Variants in NRXN2 observed in about 807,000 individuals in gnomAD.
NRXN2 encodes neurexin-2-beta.
Under a neutral mutation model 128.8 loss-of-function variants are expected in NRXN2, and 29 were observed. The ratio of observed to expected loss-of-function variants is 0.23; its 90% CI spans 0.17 to 0.31. NRXN2 has a LOEUF of 0.31. NRXN2 is among the 10% of genes least tolerant of loss of function. The pLI is 1.00. For missense variants in NRXN2, 1,881 were observed against 2,452.6 expected (o/e 0.77, Z 4.92); for synonymous variants, 1,098 against 1,075.2 (o/e 1.02, Z -0.41).
chr11:64,642,469 A>C, intron 17 of NRXN2: 1 of 1,525,494 alleles, frequency 6.6e-7, no homozygotes, highest in East Asian at 2.5e-5. Flanking sequence ...GCGGGGGCCC[A>C]GCTGCGCACA....
intron 7 of NRXN2, chr11:64,676,532 C>T (rs1391025576): frequency 2.1e-5 from 4 of 190,392 alleles, no homozygotes; most frequent in Non-Finnish European, 4.3e-5. Context: ...CAGAGCATAG[C>T]ATGTCATGGG....
At chr11:64,701,932 C>T (rs867121660) in intron 2 of NRXN2, among the ~76,000 whole-genome samples, 5 of 141,214 alleles carry the variant, frequency 3.5e-5, no homozygotes, top group East Asian at 2.2e-4. Flanking sequence ...CCCGGCCAGC[C>T]GCCCCGTCCA....
chr11:64,708,572 TGAGA>T (rs1411577897), intron 2 of NRXN2, among the ~76,000 whole-genome samples: 1 of 151,970 alleles, frequency 6.6e-6, no homozygotes, highest in East Asian at 1.9e-4. Flanking sequence ...GCCAGATCTC[TGAGA>T]GAGAGAGAGA....
At chr11:64,647,172 G>C (rs1440145329) in intron 17 of NRXN2, among the ~76,000 whole-genome samples, 3 of 151,858 alleles carry the variant, frequency 2.0e-5, no homozygotes, top group Non-Finnish European at 4.4e-5. Context: ...TCCCTCTCCA[G>C]CCGTATTCCA....
chr11:64,635,222 T>G lies in NRXN2; in HGVS notation c.3585+49A>C, dbSNP rs780221874. On this transcript the variant is annotated intron_variant, in intron 18 of 22. Transcript: ENST00000265459. This position sits in a 1 kb window ranked among gnomAD's most constrained non-coding sequence, Gnocchi z 4.8. ...CATGGCAATGAGGGGCTGAACTGAT[T>G]TGGGAGCAGGAAGCTTGAGGTTGAA... 5.0e-6 allele frequency: 8 copies of G among 1,603,620 alleles called. No homozygotes were observed. The Admixed American group carries it at 1.3e-4, about 27-fold the overall frequency.
chr11:64,679,633 T>C (rs879793061), intron 6 of NRXN2, among the ~76,000 whole-genome samples: 5 of 150,780 alleles, frequency 3.3e-5, no homozygotes, highest in African/African-American at 4.9e-5. Context: ...CGAGACTCTG[T>C]CTCAAAAAAA....
intron 5 of NRXN2, among the ~76,000 whole-genome samples, chr11:64,687,266 G>C (rs889275386): frequency 2.0e-5 from 3 of 152,258 alleles, no homozygotes; most frequent in African/African-American, 7.2e-5. Context: ...CCCTGGTGGA[G>C]GCAGGGCTCA....
chr11:64,704,482 A>G (rs2055936475), intron 2 of NRXN2, among the ~76,000 whole-genome samples: 1 of 152,068 alleles, frequency 6.6e-6, no homozygotes, highest in Non-Finnish European at 1.5e-5. Flanking sequence ...CAAAAACGAA[A>G]AAAAAGAACT....
chr11:64,641,012 G>A (rs2045579907), intron 17 of NRXN2, among the ~76,000 whole-genome samples: 1 of 152,070 alleles, frequency 6.6e-6, no homozygotes, highest in African/African-American at 2.4e-5. Flanking sequence ...AGTGATGAGG[G>A]TACAAGGATA....
Position 64,660,886 on chromosome 11 carries a change from G to A in NRXN2, c.2052C>T (p.Pro684=). ...GCTTCAGCGTCTCCCGGGAGCAAAAGGGGGCAACGCCCACAGCCCCCTGAG... is the reference window on the plus strand; with the variant it reads ...GCTTCAGCGTCTCCCGGGAGCAAAAAGGGGCAACGCCCACAGCCCCCTGAG... ...AEAQGAVGVA[P]FCSRETLKQC... The change falls in exon 10 of 23, where the codon CCC becomes CCT. Residue 684 remains proline, a synonymous_variant. Transcript: ENST00000265459. This position sits in a 1 kb window ranked among gnomAD's most constrained non-coding sequence, Gnocchi z 5.2. The A allele has an allele frequency of 6.2e-7, 1 of 1,613,684 alleles. No individual in the cohort carries two copies. Among genetic ancestry groups the A allele is most frequent in the South Asian group, 1.1e-5 (1 of 91,082 alleles).
chr11:64,676,926 G>C, intron 7 of NRXN2, 67 bp downstream of exon 7: 1 of 1,313,906 alleles, frequency 7.6e-7, no homozygotes. Context: ...AAACAAAAGA[G>C]GGAGAATCGA....
chr11:64,608,271 G>A (rs1020793121), intron 22 of NRXN2, among the ~76,000 whole-genome samples, 189 bp from the exon 23 acceptor site: 42 of 152,326 alleles, frequency 2.8e-4, no homozygotes, highest in African/African-American at 9.6e-4. Flanking sequence ...CAGCGGCTCA[G>A]ATGCCCTGGG....
Position 64,631,578 on chromosome 11 carries a change from C to T in NRXN2, c.3586-1005G>A, listed in dbSNP as rs2043914683. 6.6e-6 allele frequency among the ~76,000 whole-genome samples: 1 copy of T among 152,160 alleles called. No individual in the cohort carries two copies. On this transcript the variant is annotated intron_variant, in intron 18 of 22. Coordinates refer to ENST00000265459, the MANE Select transcript of NRXN2 (RefSeq NM_015080.4). The surrounding 1 kb of genome is among the most constrained non-coding windows in gnomAD (Gnocchi z 4.8). ...TGAAGAAGCTCATAGCTCCCCATTT[C>T]ATCAAGAAAGAGACTGAGGCTCAGC... is the stretch of plus-strand genomic sequence containing the variant.
chr11:64,638,248 C>G (rs79296650), intron 17 of NRXN2, among the ~76,000 whole-genome samples: 48 of 152,358 alleles, frequency 3.2e-4, no homozygotes, highest in African/African-American at 1.1e-3. Context: ...CTGGGCGGGT[C>G]TGTTAAAGCC....
intron 5 of NRXN2, chr11:64,688,912 A>C (rs1376284302): frequency 1.7e-6 from 1 of 594,610 alleles, no homozygotes; most frequent in African/African-American, 2.0e-5. Flanking sequence ...TGTTCTGCTC[A>C]CTTGGCACTT....
chr11:64,709,847 A>G (rs1462721631), intron 2 of NRXN2, among the ~76,000 whole-genome samples: 1 of 151,302 alleles, frequency 6.6e-6, no homozygotes, highest in East Asian at 1.9e-4. Context: ...ACATATACAC[A>G]AGCAACCCTG....
rs773970901 is a variant in NRXN2 at position 64,623,015 on chromosome 11, C to T, written c.3911G>A (p.Arg1304His). ...AIKIGGRDQG[R>H]PFQGQVSGLY... ...GCCGGACACCTGGCCCTGGAAGGGG[C>T]GGCCCTGATCCCGGCCCCCGATCTT... The change falls in exon 21 of 23, where the codon CGC (arginine) becomes CAC (histidine). Residue 1304 changes from arginine (R) to histidine (H), a missense_variant. By Grantham distance (29) the Arg-to-His change is conservative. Transcript: ENST00000265459. This position sits in a 1 kb window ranked among gnomAD's most constrained non-coding sequence, Gnocchi z 4.9. 14 of 1,612,372 alleles carry T rather than the reference C, an allele frequency of 8.7e-6. No individual in the cohort carries two copies. Among genetic ancestry groups the T allele is most frequent in the East Asian group, 2.2e-5 (1 of 44,868 alleles).
At chr11:64,666,957 T>G (rs1021965581) in intron 9 of NRXN2, among the ~76,000 whole-genome samples, 1 of 152,182 alleles carries the variant, frequency 6.6e-6, no homozygotes, top group African/African-American at 2.4e-5. Flanking sequence ...CTCCTCTCGA[T>G]GGCCCTTGTG....
chr11:64,662,032 C>A (rs185103337), intron 9 of NRXN2, among the ~76,000 whole-genome samples: 26 of 150,566 alleles, frequency 1.7e-4, no homozygotes, highest in Non-Finnish European at 3.4e-4. Flanking sequence ...GCGGATGGAT[C>A]ACTTGAGGTC....
Sources: allele counts gnomAD v4.1 joint callset (sites outside exome capture counted in the v4.1 genomes callset), GRCh38; gene constraint gnomAD v4.1.1; non-coding constraint Gnocchi (gnomAD v3.1); transcripts MANE v1.5; gene names NCBI Gene and HGNC (gene_info 2026-07-23, HGNC 2026-07-21).